Variants in ST6GALNAC1 observed in about 807,000 individuals in gnomAD.
The protein encoded by ST6GALNAC1 is ST6 N-acetylgalactosaminide alpha-2,6-sialyltransferase 1, also known as alpha-N-acetylgalactosaminide alpha-2,6-sialyltransferase 1.
ST6GALNAC1 carries 45 observed loss-of-function variants against 56.8 expected under a neutral mutation model. The observed-to-expected ratio is 0.79, with a 90% confidence interval of 0.62 to 1.02. ST6GALNAC1 has a LOEUF of 1.02. ST6GALNAC1 is among the 50% of genes least tolerant of loss of function. The pLI, the probability that ST6GALNAC1 is intolerant of heterozygous loss-of-function variation, is 0.00. For synonymous variants in ST6GALNAC1, 295 were observed against 297.8 expected (o/e 0.99, Z 0.10); for missense variants, 743 against 754.8 (o/e 0.98, Z 0.18).
At position 76,626,302 on chromosome 17, in the gene ST6GALNAC1, G is replaced by T. The variant is rs749372087; in HGVS notation, c.1402C>A (p.Leu468Ile). 2 of 1,614,136 alleles carry T rather than the reference G, an allele frequency of 1.2e-6. No individual in the cohort carries two copies. Among genetic ancestry groups the T allele is most frequent in the East Asian group, 2.2e-5 (1 of 44,880 alleles). ...GACAGTGGGTACCTGAACCAGAAAA[G>T]GTTTTTTGACATCACCGTCTGATTC... ...LMNQTVMSKN[L>I]FWFRHRPQEA... Residue 468 changes from leucine (L) to isoleucine (I), a missense_variant, in exon 6 of 9, where the codon CTT (leucine) becomes ATT (isoleucine). By Grantham distance (5) the Leu-to-Ile change is conservative (BLOSUM62 2). Transcript: ENST00000156626.
At chr17:76,628,053 C>G (rs187036677) in intron 2 of ST6GALNAC1, among the ~76,000 whole-genome samples, 10,048 of 145,426 alleles carry the variant, frequency 0.069, 410 homozygotes, top group Middle Eastern at 0.096. Context: ...GCCGAGATTG[C>G]GCCACTGCAC....
chr17:76,628,995 T>C lies in ST6GALNAC1; in HGVS notation c.831+17A>G, dbSNP rs2075851243. 1 of 1,520,080 alleles carries C rather than the reference T, an allele frequency of 6.6e-7. No homozygotes were observed. Among genetic ancestry groups the C allele is most frequent in the Non-Finnish European group, 8.8e-7 (1 of 1,135,950 alleles). The allele number at this position is 1,520,080 out of a possible 1,614,324, so 94.2% of individuals were successfully genotyped here. ...AGAGCTGGGAGCCAGAGGGAAGGCG[T>C]GGTGGCAAAAACTCACCGTCTGAAG... On this transcript the variant is annotated intron_variant, in intron 2 of 8. Transcript: ENST00000156626.
Position 76,627,726 on chromosome 17 carries a change from C to G in ST6GALNAC1, c.832-143G>C. ...TCTTCCATTCTGTTCTCAGGGTCTG[C>G]TTACCCTCCCCTTCCCATTGTCTGG... On this transcript the variant is annotated intron_variant, in intron 2 of 8. Coordinates refer to ENST00000156626, the MANE Select transcript of ST6GALNAC1 (RefSeq NM_018414.5). The surrounding 1 kb of genome is among the most constrained non-coding windows in gnomAD (Gnocchi z 4.4). 5.5e-6 allele frequency: 4 copies of G among 721,292 alleles called. No individual in the cohort carries two copies. Among genetic ancestry groups the G allele is most frequent in the Non-Finnish European group, 9.1e-6 (4 of 441,584 alleles). The allele number at this position is 721,292 out of a possible 1,614,324, so 44.7% of individuals were successfully genotyped here.
chr17:76,621,726 C>A (rs1200618559), downstream of ST6GALNAC1, among the ~76,000 whole-genome samples: 1 of 152,110 alleles, frequency 6.6e-6, no homozygotes, highest in Non-Finnish European at 1.5e-5. Flanking sequence ...CCGCCCGCCT[C>A]GGCTTCCCAA....
chr17:76,617,498 G>C, the ST6GALNAC1 span, among the ~76,000 whole-genome samples: 4 of 152,220 alleles, frequency 2.6e-5, no homozygotes, highest in African/African-American at 9.6e-5. Context: ...CCATGCAAAA[G>C]AAGGGACATG....
At chr17:76,640,066 C>T (rs1006679604) in intron 1 of ST6GALNAC1, among the ~76,000 whole-genome samples, 3 of 152,090 alleles carry the variant, frequency 2.0e-5, no homozygotes, top group African/African-American at 2.4e-5. Context: ...CTCCTTTACA[C>T]TGAGAATCCC....
In ST6GALNAC1 at chr17:76,625,848, GCAGGAGGGCCC is replaced by G; in HGVS notation, c.1565_1575del (p.Gly522AlafsTer9). ...TCACAGAGCTGAAGGGCAGTGAGCA[GCAGGAGGGCCC>G]CAGTGGTGGGGCGGTATATCCTCCA... On this transcript the variant is annotated frameshift_variant, in exon 8 of 9. Coordinates refer to ENST00000156626, the MANE Select transcript of ST6GALNAC1 (RefSeq NM_018414.5). LOFTEE classifies it low-confidence loss of function (END_TRUNC). The G allele has an allele frequency of 6.5e-7, 1 of 1,542,770 alleles. No individual in the cohort carries two copies. The highest frequency in any genetic ancestry group is 8.7e-7 in the Non-Finnish European group (1 of 1,147,896).
Position 76,626,301 on chromosome 17 carries a change from AG to A in ST6GALNAC1, c.1402del (p.Leu468PhefsTer32). 6.2e-7 allele frequency: 1 copy of A among 1,614,144 alleles called. No individual in the cohort carries two copies. The highest frequency in any genetic ancestry group is 8.5e-7 in the Non-Finnish European group (1 of 1,180,010). On this transcript the variant is annotated frameshift_variant, in exon 6 of 9. Coordinates refer to ENST00000156626, the MANE Select transcript of ST6GALNAC1 (RefSeq NM_018414.5). LOFTEE classifies it high-confidence loss of function. ...GGACAGTGGGTACCTGAACCAGAAAAGGTTTTTTGACATCACCGTCTGATTC... is the reference window on the plus strand; with the variant it reads ...GGACAGTGGGTACCTGAACCAGAAAAGTTTTTTGACATCACCGTCTGATTC... ...LMNQTVMSKN[L>X]FWFRHRPQEA...
chr17:76,640,527 GTCT>G (rs2076036972), intron 1 of ST6GALNAC1, among the ~76,000 whole-genome samples: 1 of 152,136 alleles, frequency 6.6e-6, no homozygotes, highest in African/African-American at 2.4e-5. Flanking sequence ...CTCCTCCCCT[GTCT>G]TCTTATCTAA....
intron 1 of ST6GALNAC1, among the ~76,000 whole-genome samples, chr17:76,630,038 G>A (rs547080896): frequency 7.2e-5 from 11 of 152,076 alleles, no homozygotes; most frequent in South Asian, 6.2e-4. Context: ...CACCTGCCTC[G>A]GCCTCCCAAA....
intron 1 of ST6GALNAC1, among the ~76,000 whole-genome samples, chr17:76,642,403 T>A (rs7218347): frequency 2.0e-5 from 3 of 152,022 alleles, no homozygotes; most frequent in Admixed American, 2.0e-4. Flanking sequence ...TGAGAATTAG[T>A]GAGTTAACGT....
At chr17:76,629,909 A>G (rs529092904) in intron 1 of ST6GALNAC1, among the ~76,000 whole-genome samples, 198 bp from the exon 2 acceptor site, 1 of 150,282 alleles carries the variant, frequency 6.7e-6, no homozygotes, top group East Asian at 2.0e-4. Flanking sequence ...CACCCCCCTG[A>G]GTAGCTGAGA....
At chr17:76,633,959 G>A (rs1046686560) in intron 1 of ST6GALNAC1, 3 of 152,190 alleles carry the variant, frequency 2.0e-5, no homozygotes, top group Non-Finnish European at 4.4e-5. Flanking sequence ...ATATTGAAGA[G>A]GCTGAAACTG....
downstream of ST6GALNAC1, among the ~76,000 whole-genome samples, chr17:76,622,388 CAG>C (rs2075750782): frequency 6.6e-6 from 1 of 151,696 alleles, no homozygotes; most frequent in South Asian, 2.1e-4. Flanking sequence ...TATTTTGAGA[CAG>C]AGTCTCACCC....
At chr17:76,619,839 G>T (rs558397439), downstream of ST6GALNAC1, among the ~76,000 whole-genome samples, 1 of 144,618 alleles carries the variant, frequency 6.9e-6, no homozygotes, top group Non-Finnish European at 1.5e-5. Context: ...TGCCTCTCAA[G>T]TTCAAGCGAT....
intron 1 of ST6GALNAC1, 72 bp from the exon 2 acceptor site, chr17:76,629,783 G>GTTTTTTTT (rs879066241): frequency 1.2e-5 from 9 of 737,510 alleles, no homozygotes; most frequent in Non-Finnish European, 1.2e-5. Context: ...GTAGTTTTTT[G>GTTTTTTTT]TTTTTTTTTT....
chr17:76,625,259 A>G lies in ST6GALNAC1; in HGVS notation c.*71T>C. 6.6e-7 allele frequency: 1 copy of G among 1,522,630 alleles called. No individual in the cohort carries two copies. Among genetic ancestry groups the G allele is most frequent in the Non-Finnish European group, 8.9e-7 (1 of 1,119,080 alleles). The allele number at this position is 1,522,630 out of a possible 1,614,324, so 94.3% of individuals were successfully genotyped here. A position where few individuals can be genotyped will look rare whatever the true frequency, so the allele number is the denominator to read the frequency against. ...AGTCTGAGCCATGGGAAATGGCCAA[A>G]GAGTCTCAAGATTCCCACTGTATCC... is the stretch of plus-strand genomic sequence containing the variant. On this transcript the variant is annotated 3_prime_UTR_variant, in exon 9 of 9. Transcript: ENST00000156626.
downstream of ST6GALNAC1, among the ~76,000 whole-genome samples, chr17:76,621,607 C>T (rs1421041400): frequency 6.6e-6 from 1 of 152,084 alleles, no homozygotes; most frequent in African/African-American, 2.4e-5. Flanking sequence ...TCCCAAGTAG[C>T]TGGAATTACA....
downstream of ST6GALNAC1, among the ~76,000 whole-genome samples, chr17:76,621,943 C>CTTT (rs71158041): frequency 8.7e-5 from 12 of 138,024 alleles, 1 homozygote; most frequent in South Asian, 6.8e-4. Flanking sequence ...TCTTTCTTTT[C>CTTT]TTTTTTTTTT....
Sources: allele counts gnomAD v4.1 joint callset (sites outside exome capture counted in the v4.1 genomes callset), GRCh38; gene constraint gnomAD v4.1.1; non-coding constraint Gnocchi (gnomAD v3.1); transcripts MANE v1.5; gene names NCBI Gene and HGNC (gene_info 2026-07-23, HGNC 2026-07-21).